STAU2: variants seen among roughly 807,000 people sequenced by gnomAD.
The protein encoded by STAU2 is double-stranded RNA-binding protein Staufen homolog 2.
In STAU2, 20 loss-of-function variants were observed where a neutral mutation model predicts 65.9. The ratio of observed to expected loss-of-function variants is 0.30; its 90% confidence interval spans 0.21 to 0.44. STAU2 has a LOEUF of 0.44. STAU2 is among the 20% of genes least tolerant of loss of function. STAU2 has a pLI of 1.00. For synonymous variants in STAU2, 232 were observed against 233.9 expected (o/e 0.99, Z 0.07); for missense variants, 558 against 683.9 (o/e 0.82, Z 2.05).
At chr8:73,574,196 C>T (rs1360095110) in intron 12 of STAU2, among the ~76,000 whole-genome samples, 1 of 152,154 alleles carries the variant, frequency 6.6e-6, no homozygotes, top group Non-Finnish European at 1.5e-5. Context: ...CAAATCAAAA[C>T]CACAATGAGA....
chr8:73,622,264 C>T (rs1160233500), intron 6 of STAU2, among the ~76,000 whole-genome samples: 1 of 120,688 alleles, frequency 8.3e-6, no homozygotes, highest in East Asian at 2.9e-4. Context: ...GTAGCTGGGA[C>T]TACAGGCGCC....
chr8:73,431,738 G>A (rs1173064195), intron 13 of STAU2, among the ~76,000 whole-genome samples: 1 of 152,146 alleles, frequency 6.6e-6, no homozygotes, highest in African/African-American at 2.4e-5. Context: ...GTTGGCCTTG[G>A]TTTGCGCACG....
intron 11 of STAU2, among the ~76,000 whole-genome samples, chr8:73,591,980 A>C (rs1810852061): frequency 6.6e-6 from 1 of 151,122 alleles, no homozygotes; most frequent in Non-Finnish European, 1.5e-5. Context: ...CAGTACTTAA[A>C]GAAAAATTCA....
At chr8:73,643,828 A>C (rs1815167633) in intron 6 of STAU2, among the ~76,000 whole-genome samples, 1 of 152,248 alleles carries the variant, frequency 6.6e-6, no homozygotes, top group Admixed American at 6.5e-5. Context: ...TAAATTTATT[A>C]AATAGTTGTA....
chr8:73,713,311 G>A (rs1406787456), intron 3 of STAU2, among the ~76,000 whole-genome samples: 2 of 152,096 alleles, frequency 1.3e-5, no homozygotes, highest in African/African-American at 4.8e-5. Flanking sequence ...TGTATGTGTA[G>A]GAACCAGTGA....
rs1252255097 is a variant in STAU2 at position 73,709,293 on chromosome 8, A to G, written c.-17-131T>C. On this transcript the variant is annotated intron_variant, in intron 3 of 14. Transcript: ENST00000524300. ...TGAATTTTGTATTTTAAAAATTCAA[A>G]TTACCTAATGTCTTCCATTACATGC... is the stretch of plus-strand genomic sequence containing the variant. 3.8e-6 allele frequency: 3 copies of G among 790,466 alleles called. No individual in the cohort carries two copies. In the African/African-American group the frequency reaches 5.3e-5, roughly 14 times the overall value. The allele number at this position is 790,466 out of a possible 1,614,324, so 49.0% of individuals were successfully genotyped here.
intron 6 of STAU2, among the ~76,000 whole-genome samples, chr8:73,671,681 A>C (rs556664352): frequency 6.6e-6 from 1 of 152,348 alleles, no homozygotes; most frequent in South Asian, 2.1e-4. Context: ...AAAAATAGAC[A>C]TACATTTATA....
At chr8:73,479,091 C>T (rs2128909315) in intron 13 of STAU2, among the ~76,000 whole-genome samples, 1 of 152,094 alleles carries the variant, frequency 6.6e-6, no homozygotes, top group East Asian at 1.9e-4. Flanking sequence ...ATACCTTCAC[C>T]CACTCCCCCA....
intron 13 of STAU2, among the ~76,000 whole-genome samples, chr8:73,500,523 T>A (rs1005601395): frequency 3.3e-5 from 5 of 151,894 alleles, no homozygotes; most frequent in African/African-American, 1.2e-4. Flanking sequence ...CAAACTATGC[T>A]TGTTTCTGCC....
intron 9 of STAU2, 89 bp from the exon 10 acceptor site, chr8:73,603,952 C>T (rs1281425497): frequency 1.7e-5 from 23 of 1,352,194 alleles, no homozygotes; most frequent in East Asian, 2.5e-5. Context: ...TCCCTCCACC[C>T]CCACACCCCA....
chr8:73,546,863 G>A (rs1369009079), intron 13 of STAU2, among the ~76,000 whole-genome samples: 1 of 152,090 alleles, frequency 6.6e-6, no homozygotes, highest in African/African-American at 2.4e-5. Context: ...TTATATGTCA[G>A]GAAAAATTAC....
chr8:73,460,426 G>A (rs1457949993), intron 13 of STAU2, among the ~76,000 whole-genome samples: 2 of 152,220 alleles, frequency 1.3e-5, no homozygotes, highest in Non-Finnish European at 2.9e-5. Context: ...CAGGGGACGA[G>A]AGAGGTTTTG....
At chr8:73,679,255 C>A (rs77207230) in intron 5 of STAU2, among the ~76,000 whole-genome samples, 1 of 152,020 alleles carries the variant, frequency 6.6e-6, no homozygotes, top group Non-Finnish European at 1.5e-5. Context: ...TGAGGTCACC[C>A]GGAGAAAATG....
At chr8:73,741,589 T>C (rs1806885523) in intron 1 of STAU2, among the ~76,000 whole-genome samples, 1 of 151,730 alleles carries the variant, frequency 6.6e-6, no homozygotes, top group Admixed American at 6.6e-5. Context: ...CTCAGCTCAC[T>C]GCAACCTCCA....
chr8:73,692,042 C>A (rs1187780632), intron 4 of STAU2, among the ~76,000 whole-genome samples: 1 of 152,126 alleles, frequency 6.6e-6, no homozygotes, highest in Non-Finnish European at 1.5e-5. Context: ...AATAATCGAT[C>A]ATGCCTATGT....
At chr8:73,672,254 T>A (rs760934635) in intron 6 of STAU2, 1 of 152,042 alleles carries the variant, frequency 6.6e-6, no homozygotes, top group Non-Finnish European at 1.5e-5. Flanking sequence ...CAGATGCACA[T>A]AAATACTGTA....
At chr8:73,622,468 G>A (rs542303543) in intron 6 of STAU2, among the ~76,000 whole-genome samples, 1 of 152,056 alleles carries the variant, frequency 6.6e-6, no homozygotes, top group African/African-American at 2.4e-5. Context: ...ACTACAGCCT[G>A]GTGAGGCAGG....
In STAU2 at chr8:73,730,728, CAAAAAAA is replaced by C. The variant is rs60034849; in HGVS notation, c.-18+7549_-18+7555del. The stretch of plus-strand genomic sequence containing the variant: ...GGTAACAGAGCAAGACTACGTCTTT[CAAAAAAA>C]AAAAAAAAAAAAAGACAAAAAAAAA... On this transcript the variant is annotated intron_variant, in intron 3 of 14. Coordinates refer to ENST00000524300, the MANE Select transcript of STAU2 (RefSeq NM_001164380.2). 4.5e-3 allele frequency among the ~76,000 whole-genome samples: 369 copies of C among 82,700 alleles called. 3 individuals are homozygous for C. Among genetic ancestry groups the C allele is most frequent in the East Asian group, 0.032 (96 of 2,998 alleles). The allele number at this position is 82,700 out of a possible 152,430, so 54.3% of individuals were successfully genotyped here.
chr8:73,509,436 T>C (rs1224679677), intron 13 of STAU2, among the ~76,000 whole-genome samples: 1 of 152,186 alleles, frequency 6.6e-6, no homozygotes, highest in Non-Finnish European at 1.5e-5. Context: ...CTCTAATCTG[T>C]GGCTTTTTAA....
Sources: allele counts gnomAD v4.1 joint callset (sites outside exome capture counted in the v4.1 genomes callset), GRCh38; gene constraint gnomAD v4.1.1; transcripts MANE v1.5; gene names NCBI Gene and HGNC (gene_info 2026-07-23, HGNC 2026-07-21).